Variants in ABCG5 observed in about 807,000 individuals in gnomAD.
ABCG5 encodes ATP binding cassette subfamily G member 5.
Under a neutral mutation model 64.5 loss-of-function variants are expected in ABCG5, and 64 were observed. The ratio of observed to expected loss-of-function variants is 0.99; its 90% confidence interval spans 0.81 to 1.22. The LOEUF (loss-of-function observed/expected upper bound fraction) is 1.22. Among genes scored for constraint, ABCG5 ranks in the 50% most tolerant of loss-of-function variants. The pLI, the probability that ABCG5 is intolerant of heterozygous loss-of-function variation, is 0.00. For missense variants in ABCG5, 908 were observed against 829.5 expected, an observed-to-expected ratio of 1.09 and a Z score of -1.16; for synonymous variants, 385 against 326.3, an observed-to-expected ratio of 1.18 and a Z score of -1.94.
chr2:43,821,898 T>A, intron 10 of ABCG5, among the ~76,000 whole-genome samples: 1 of 152,032 alleles, frequency 6.6e-6, no homozygotes, highest in Non-Finnish European at 1.5e-5. Flanking sequence ...CCGCACCCCA[T>A]CTTTGAAAGT....
intron 5 of ABCG5, among the ~76,000 whole-genome samples, chr2:43,827,129 AC>A (rs1443715435): frequency 6.6e-6 from 1 of 152,094 alleles, no homozygotes; most frequent in Non-Finnish European, 1.5e-5. Flanking sequence ...GTTCGAGACC[AC>A]CCTGGCCAAC....
At chr2:43,809,676 T>C (rs149954562), downstream of ABCG5, 393 of 1,557,680 alleles carry the variant, frequency 2.5e-4, no homozygotes, top group African/African-American at 5.0e-3. Context: ...AGTTGATTTT[T>C]CTTAAAGTGA....
Position 43,838,237 on chromosome 2 carries a change from T to C in ABCG5, c.144-282A>G. 1.7e-6 allele frequency: 1 copy of C among 593,912 alleles called. No individual in the cohort carries two copies. Among genetic ancestry groups the C allele is most frequent in the Non-Finnish European group, 3.0e-6 (1 of 335,572 alleles). The allele number at this position is 593,912 out of a possible 1,614,324, so 36.8% of individuals were successfully genotyped here. A position where few individuals can be genotyped will look rare whatever the true frequency, so the allele number is the denominator to read the frequency against. ...TTCTTTCACCAGGTTTCAAGACTCC[T>C]TGCATTCGCAGTACCCCCATTCCCA... On this transcript the variant is annotated intron_variant, in intron 1 of 12. Transcript: ENST00000405322. This position sits in a 1 kb window ranked among gnomAD's most constrained non-coding sequence, Gnocchi z 4.2.
At chr2:43,820,651 T>A (rs1291068193) in intron 10 of ABCG5, among the ~76,000 whole-genome samples, 2 of 152,190 alleles carry the variant, frequency 1.3e-5, no homozygotes, top group East Asian at 3.8e-4. Context: ...TTCCACTGAT[T>A]TGACCTTCGT....
downstream of ABCG5, among the ~76,000 whole-genome samples, chr2:43,811,181 C>T (rs937225750): frequency 8.5e-5 from 13 of 152,142 alleles, no homozygotes; most frequent in African/African-American, 2.7e-4. Context: ...CTTTGAACTA[C>T]TTTAATAGAT....
At chr2:43,820,199 T>C in intron 10 of ABCG5, 99 bp from the exon 11 acceptor site, 1 of 1,434,708 alleles carries the variant, frequency 7.0e-7, no homozygotes, top group East Asian at 2.5e-5. Flanking sequence ...GGTGAGTGGG[T>C]GGGAGAAGTT....
At chr2:43,815,208 C>A in intron 11 of ABCG5, among the ~76,000 whole-genome samples, 1 of 152,188 alleles carries the variant, frequency 6.6e-6, no homozygotes, top group East Asian at 1.9e-4. Flanking sequence ...TGAAATATGT[C>A]TCCTCTCCAA....
chr2:43,827,872 T>C (rs1667714976), intron 5 of ABCG5, 111 bp downstream of exon 5: 1 of 1,518,306 alleles, frequency 6.6e-7, no homozygotes, highest in East Asian at 2.4e-5. Flanking sequence ...TGATTTCAGT[T>C]GTACACAAAC....
At chr2:43,822,499 TC>T (rs1667292200) in intron 10 of ABCG5, 2 of 494,320 alleles carry the variant, frequency 4.0e-6, no homozygotes, top group African/African-American at 2.2e-5. Context: ...TGCACCTGGG[TC>T]CTAGCTACTT....
rs2104844775 is a variant in ABCG5, at chr2:43,828,308, T to A, written c.502-193A>T. 8.3e-6 allele frequency: 6 copies of A among 722,042 alleles called. No homozygotes were observed. In the Middle Eastern group the frequency reaches 1.9e-3, roughly 234 times the overall value. 44.7% of individuals were successfully genotyped at this position (722,042 alleles called of 1,614,324 possible). A position where few individuals can be genotyped will look rare whatever the true frequency, so the allele number is the denominator to read the frequency against. ...AATTCGGCTTAAATCGTAATACATG[T>A]GTCAGATTTAAATAAATAATATGAA... On this transcript the variant is annotated intron_variant, in intron 4 of 12. Coordinates refer to ENST00000405322, the MANE Select transcript of ABCG5 (RefSeq NM_022436.3).
At position 43,827,996 on chromosome 2, in the gene ABCG5, C is replaced by A; in HGVS notation, c.621G>T (p.Leu207=). 1 of 1,614,084 alleles carries A rather than the reference C, an allele frequency of 6.2e-7. No homozygotes were observed. The highest frequency in any genetic ancestry group is 8.5e-7 in the Non-Finnish European group (1 of 1,180,026). ...ERRRVSIAAQ[L]LQDPKVMLFD... ...GGTGCCACTTACTAGGATCCTGGAG[C>A]AGCTGGGCTGCGATGGAGACCCGGC... The change falls in exon 5 of 13, where the codon CTG becomes CTT. Residue 207 remains leucine (L), a synonymous_variant. Coordinates refer to ENST00000405322, the MANE Select transcript of ABCG5 (RefSeq NM_022436.3).
chr2:43,833,305 G>A (rs992442464), intron 2 of ABCG5, among the ~76,000 whole-genome samples: 1 of 152,004 alleles, frequency 6.6e-6, no homozygotes, highest in Non-Finnish European at 1.5e-5. Context: ...TGGGAAGATA[G>A]CAAGAGAAAT....
rs1405252934 is a variant in ABCG5, at chr2:43,821,130, C to G, written c.1464-1030G>C. ...AATGTTGGCATGTCTTATACTCGCC[C>G]CTCCTTACCACTTACTCTTCAAGGC... On this transcript the variant is annotated intron_variant, in intron 10 of 12. Coordinates refer to ENST00000405322, the MANE Select transcript of ABCG5 (RefSeq NM_022436.3). Among the ~76,000 whole-genome samples the G allele has an allele frequency of 5.3e-5, 8 of 152,134 alleles. No individual in the cohort carries two copies. In the East Asian group the frequency reaches 1.5e-3, roughly 29 times the overall value.
intron 11 of ABCG5, among the ~76,000 whole-genome samples, chr2:43,815,730 G>A (rs1411104477): frequency 6.6e-6 from 1 of 152,114 alleles, no homozygotes; most frequent in Non-Finnish European, 1.5e-5. Flanking sequence ...AGGATGTGAA[G>A]GAACAGTGGG....
intron 2 of ABCG5, among the ~76,000 whole-genome samples, chr2:43,834,019 T>C (rs1246599912): frequency 6.6e-6 from 1 of 152,222 alleles, no homozygotes; most frequent in African/African-American, 2.4e-5. Flanking sequence ...TGCTTGTTGC[T>C]GTGAGAGGTA....
chr2:43,816,411 C>G (rs1296043168), intron 11 of ABCG5, among the ~76,000 whole-genome samples: 3 of 151,042 alleles, frequency 2.0e-5, no homozygotes, highest in Non-Finnish European at 4.4e-5. Flanking sequence ...TGGGAACAAC[C>G]AACAGACTTT....
upstream of ABCG5, chr2:43,838,990 G>C: frequency 6.7e-7 from 1 of 1,498,064 alleles, no homozygotes; most frequent in Non-Finnish European, 9.1e-7. This position sits in a 1 kb window ranked among gnomAD's most constrained non-coding sequence, Gnocchi z 4.2. Flanking sequence ...GAAGACACTG[G>C]CCCTGGCAGG....
At chr2:43,806,860 A>G in the ABCG5 span, among the ~76,000 whole-genome samples, 1 of 152,160 alleles carries the variant, frequency 6.6e-6, no homozygotes. Context: ...TCTCACTGCC[A>G]GCAGATCACC....
intron 4 of ABCG5, chr2:43,828,407 G>A (rs756747481): frequency 1.7e-5 from 8 of 457,792 alleles, no homozygotes; most frequent in Admixed American, 8.7e-5. Flanking sequence ...AGGCTGAGGA[G>A]GGAGAATTGC....
Sources: allele counts gnomAD v4.1 joint callset (sites outside exome capture counted in the v4.1 genomes callset), GRCh38; gene constraint gnomAD v4.1.1; non-coding constraint Gnocchi (gnomAD v3.1); transcripts MANE v1.5; gene names NCBI Gene and HGNC (gene_info 2026-07-23, HGNC 2026-07-21).